Variants in NKD1 observed in about 807,000 individuals in gnomAD.
NKD1 encodes the protein NKD inhibitor of Wnt signaling pathway 1, also known as protein naked cuticle homolog 1.
A neutral mutation model predicts 56.0 loss-of-function variants in NKD1; 21 were observed. That is an observed-to-expected ratio of 0.38 (90% CI 0.27 to 0.54). The LOEUF is 0.54. NKD1 is among the 20% of genes least tolerant of loss of function. The probability of loss-of-function intolerance (pLI) is 0.82; values close to 1 mark genes in which losing one functional copy is unlikely to be tolerated. For synonymous variants in NKD1, 263 were observed against 265.7 expected, an observed-to-expected ratio of 0.99 and a Z score of 0.10; for missense variants, 578 against 642.7, an observed-to-expected ratio of 0.90 and a Z score of 1.09.
chr16:50,613,450 TGCCCATG>T (rs1961892276), intron 4 of NKD1: 1 of 152,098 alleles, frequency 6.6e-6, no homozygotes, highest in African/African-American at 2.4e-5. Flanking sequence ...GAGGGGCAGG[TGCCCATG>T]CCCCGCCGGC....
intron 3 of NKD1, among the ~76,000 whole-genome samples, chr16:50,560,322 GC>G (rs1181125576): frequency 6.6e-6 from 1 of 152,230 alleles, no homozygotes; most frequent in Non-Finnish European, 1.5e-5. Context: ...TGTGTGCATA[GC>G]CCCGTGCTGA....
intron 4 of NKD1, among the ~76,000 whole-genome samples, chr16:50,613,979 T>G (rs1961907555): frequency 6.6e-6 from 1 of 152,162 alleles, no homozygotes; most frequent in South Asian, 2.1e-4. Context: ...CTTTTCCCCC[T>G]TTTTTGTTTC....
intron 3 of NKD1, chr16:50,566,014 A>G (rs1159337458): frequency 4.1e-6 from 1 of 241,438 alleles, no homozygotes; most frequent in South Asian, 1.5e-4. Context: ...CACACACTGC[A>G]CATCCTGATA....
At chr16:50,554,257 CAG>C (rs1352733347) in intron 3 of NKD1, among the ~76,000 whole-genome samples, 3 of 152,134 alleles carry the variant, frequency 2.0e-5, no homozygotes, top group Non-Finnish European at 2.9e-5. Flanking sequence ...TCCTAGAACT[CAG>C]GGGATGTTTC....
chr16:50,625,853 G>T (rs1333561827), intron 6 of NKD1, among the ~76,000 whole-genome samples: 2 of 152,244 alleles, frequency 1.3e-5, no homozygotes, highest in African/African-American at 2.4e-5. Context: ...GGGGGGGCAG[G>T]TGCAGAGCCC....
At chr16:50,549,596 C>A in intron 3 of NKD1, 41 bp downstream of exon 3, 1 of 1,520,620 alleles carries the variant, frequency 6.6e-7, no homozygotes, top group South Asian at 1.3e-5. Context: ...GGCCTCCTTT[C>A]AGCCTCAGAG....
chr16:50,623,781 G>A lies in NKD1; in HGVS notation c.367-1704G>A, dbSNP rs143328209. ...TGTGTGTGTACACAGGTATGTGAGCGTAGGATGTGCACGTATAGGGGTATA... is the reference window on the plus strand; with the variant it reads ...TGTGTGTGTACACAGGTATGTGAGCATAGGATGTGCACGTATAGGGGTATA... On this transcript the variant is annotated intron_variant, in intron 5 of 9. Coordinates refer to ENST00000268459, the MANE Select transcript of NKD1 (RefSeq NM_033119.5). This position sits in a 1 kb window ranked among gnomAD's most constrained non-coding sequence, Gnocchi z 4.1. 7.9e-4 allele frequency among the ~76,000 whole-genome samples: 119 copies of A among 150,898 alleles called. 1 individual carries two copies. Among genetic ancestry groups the A allele is most frequent in the African/African-American group, 2.4e-3 (97 of 41,020 alleles).
At chr16:50,586,101 C>T (rs1013789297) in intron 3 of NKD1, among the ~76,000 whole-genome samples, 2 of 152,192 alleles carry the variant, frequency 1.3e-5, no homozygotes, top group South Asian at 2.1e-4. Context: ...AGTTTGACCC[C>T]GGTGGTCAGA....
At chr16:50,624,476 G>C (rs779029178) in intron 5 of NKD1, among the ~76,000 whole-genome samples, 1 of 152,202 alleles carries the variant, frequency 6.6e-6, no homozygotes, top group Non-Finnish European at 1.5e-5. Context: ...TACTACCATT[G>C]ATTGAGCTTT....
chr16:50,574,806 A>G (rs1960957863), intron 3 of NKD1: 1 of 985,428 alleles, frequency 1.0e-6, no homozygotes, highest in South Asian at 4.7e-5. Context: ...AAAAGACCCT[A>G]AAGTTTGAAC....
In NKD1 at chr16:50,549,441, CG is replaced by C; in HGVS notation, c.79del (p.Ala27LeufsTer33). On this transcript the variant is annotated frameshift_variant, in exon 3 of 10. Transcript: ENST00000268459. LOFTEE classifies it high-confidence loss of function. ...TCCCAGGTGACAGCTTCGCCGTGAGCGCTGCCTGGGCTCGGAAGGGCATCGA... is the reference window on the plus strand; with the variant it reads ...TCCCAGGTGACAGCTTCGCCGTGAGCCTGCCTGGGCTCGGAAGGGCATCGA... ...SPEGDSFAVS[A>X]AWARKGIEEW... The C allele has an allele frequency of 6.2e-7, 1 of 1,611,342 alleles. No homozygotes were observed. The highest frequency in any genetic ancestry group is 8.5e-7 in the Non-Finnish European group (1 of 1,178,870).
At chr16:50,579,519 G>T (rs560160320) in intron 3 of NKD1, among the ~76,000 whole-genome samples, 17 of 121,218 alleles carry the variant, frequency 1.4e-4, no homozygotes, top group Non-Finnish European at 2.3e-4. Flanking sequence ...CGCATGCACT[G>T]TCTTACTCCT....
At chr16:50,560,927 C>T (rs755070245) in intron 3 of NKD1, among the ~76,000 whole-genome samples, 14 of 151,792 alleles carry the variant, frequency 9.2e-5, no homozygotes, top group Admixed American at 1.3e-4. Context: ...ATTAGAAAAA[C>T]GCTGGTGTGG....
chr16:50,616,352 AG>A (rs1179314327), intron 4 of NKD1, among the ~76,000 whole-genome samples: 1 of 152,144 alleles, frequency 6.6e-6, no homozygotes, highest in African/African-American at 2.4e-5. Flanking sequence ...CTTCTTTCCA[AG>A]TTTCATATGC....
At chr16:50,621,993 A>C (rs1480799418) in intron 5 of NKD1, among the ~76,000 whole-genome samples, 9 of 152,028 alleles carry the variant, frequency 5.9e-5, no homozygotes, top group Admixed American at 5.9e-4. Context: ...GGGAGGCAGG[A>C]CTCTGGCCCT....
intron 6 of NKD1, among the ~76,000 whole-genome samples, chr16:50,626,417 AGGTCCAGGGGAGGCCTCCTGGAG>A (rs957268814): frequency 8.1e-4 from 123 of 152,238 alleles, no homozygotes; most frequent in African/African-American, 1.6e-3. Flanking sequence ...ACTGGCTGGA[AGGTCCAGGGGAGGCCTCCTGGAG>A]GGTCCAGGGG....
intron 3 of NKD1, chr16:50,606,618 G>A: frequency 2.7e-6 from 1 of 369,930 alleles, no homozygotes; most frequent in Non-Finnish European, 5.5e-6. Flanking sequence ...CCTTGTTGGT[G>A]GCGATGTCTG....
At chr16:50,631,231 T>C (rs1229323337) in intron 8 of NKD1, among the ~76,000 whole-genome samples, 1 of 152,098 alleles carries the variant, frequency 6.6e-6, no homozygotes, top group Non-Finnish European at 1.5e-5. Context: ...CTAAGTGAGA[T>C]AAAGACCGTA....
chr16:50,558,134 A>G (rs1960543044), intron 3 of NKD1: 1 of 152,256 alleles, frequency 6.6e-6, no homozygotes, highest in South Asian at 2.1e-4. Flanking sequence ...CTGAATTTTT[A>G]TGTGAAACTT....
Sources: gnomAD v4.1 joint callset for allele counts (sites outside exome capture counted in the v4.1 genomes callset) on GRCh38, gnomAD v4.1.1 for gene constraint, Gnocchi (gnomAD v3.1) non-coding constraint, MANE v1.5 for transcripts, NCBI Gene and HGNC (gene_info 2026-07-23, HGNC 2026-07-21) for gene names.